BMP5: variants seen among roughly 807,000 people sequenced by gnomAD.
BMP5 encodes bone morphogenetic protein 5.
BMP5 carries 23 observed loss-of-function variants against 46.6 expected under a neutral mutation model. The observed-to-expected ratio is 0.49, with a 90% CI of 0.35 to 0.70. The LOEUF (loss-of-function observed/expected upper bound fraction) is 0.70. BMP5 is among the 30% of genes least tolerant of loss of function. The pLI, the probability that BMP5 is intolerant of heterozygous loss-of-function variation, is 0.00. For missense variants in BMP5, 545 were observed against 565.6 expected, an observed-to-expected ratio of 0.96 and a Z score of 0.37; for synonymous variants, 204 against 191.9, an observed-to-expected ratio of 1.06 and a Z score of -0.52.
intron 1 of BMP5, among the ~76,000 whole-genome samples, chr6:55,822,788 C>A (rs1289122235): frequency 6.6e-6 from 1 of 152,064 alleles, no homozygotes; most frequent in Non-Finnish European, 1.5e-5. Flanking sequence ...TATAAAATTT[C>A]AGTTTTCTAA....
intron 4 of BMP5, among the ~76,000 whole-genome samples, chr6:55,763,625 G>T (rs1774838693): frequency 6.6e-6 from 1 of 152,116 alleles, no homozygotes; most frequent in Admixed American, 6.5e-5. Flanking sequence ...AGTATGAAAT[G>T]GATATAATTC....
chr6:55,854,775 G>A (rs1024398311), intron 1 of BMP5, among the ~76,000 whole-genome samples: 2 of 151,942 alleles, frequency 1.3e-5, no homozygotes, highest in Non-Finnish European at 2.9e-5. Context: ...AATTGATAAA[G>A]ACAAATGACT....
chr6:55,856,964 C>T (rs1166287337), intron 1 of BMP5, among the ~76,000 whole-genome samples: 1 of 152,114 alleles, frequency 6.6e-6, no homozygotes, highest in African/African-American at 2.4e-5. Flanking sequence ...ATCATCTTTA[C>T]CTTAAACATT....
intron 1 of BMP5, among the ~76,000 whole-genome samples, chr6:55,845,859 G>A (rs1022176938): frequency 6.6e-6 from 1 of 151,920 alleles, no homozygotes; most frequent in African/African-American, 2.4e-5. Context: ...TACTTTTATA[G>A]AGGAAGGTAT....
chr6:55,784,758 G>A (rs1169306667), intron 3 of BMP5, among the ~76,000 whole-genome samples: 6 of 151,650 alleles, frequency 4.0e-5, no homozygotes, highest in African/African-American at 1.5e-4. Flanking sequence ...ATTCCCAACA[G>A]ATACAGCAAA....
intron 2 of BMP5, among the ~76,000 whole-genome samples, chr6:55,803,208 A>G (rs1477625493): frequency 1.3e-5 from 2 of 151,954 alleles, no homozygotes; most frequent in Non-Finnish European, 2.9e-5. Flanking sequence ...AGGCAGGAGA[A>G]TCGCTTAAAC....
rs1248500839 is a variant in BMP5, at chr6:55,836,851, C to T, written c.491-17004G>A. 2.0e-5 allele frequency among the ~76,000 whole-genome samples: 3 copies of T among 152,058 alleles called. No individual in the cohort carries two copies. In the East Asian group the frequency reaches 5.8e-4, roughly 29 times the overall value. On this transcript the variant is annotated intron_variant, in intron 1 of 6. Transcript: ENST00000370830. ...TGAATCTATCTCAAATGTTGTTTCA[C>T]ACTAAAATCTAAAACGCTTCTTAAA...
chr6:55,822,549 T>C (rs1447388831), intron 1 of BMP5, among the ~76,000 whole-genome samples: 1 of 152,118 alleles, frequency 6.6e-6, no homozygotes, highest in Non-Finnish European at 1.5e-5. Flanking sequence ...TAACAACCAT[T>C]ATTCATTTTT....
At chr6:55,811,762 C>T (rs1582084797) in intron 2 of BMP5, among the ~76,000 whole-genome samples, 1 of 151,910 alleles carries the variant, frequency 6.6e-6, no homozygotes, top group South Asian at 2.1e-4. Context: ...ACTTCCTACT[C>T]TTCTTGAAAA....
At chr6:55,871,654 T>C (rs1295142147) in intron 1 of BMP5, among the ~76,000 whole-genome samples, 1 of 151,890 alleles carries the variant, frequency 6.6e-6, no homozygotes, top group Admixed American at 6.6e-5. Context: ...TAAGTTTAAT[T>C]GTTCTTCGTG....
intron 1 of BMP5, among the ~76,000 whole-genome samples, chr6:55,851,330 A>C (rs907803845): frequency 3.9e-5 from 6 of 152,132 alleles, no homozygotes; most frequent in Admixed American, 3.9e-4. Flanking sequence ...GGCTTCTTTC[A>C]GTCCTATGAC....
chr6:55,867,070 C>G (rs887319833), intron 1 of BMP5, among the ~76,000 whole-genome samples: 2 of 152,108 alleles, frequency 1.3e-5, no homozygotes, highest in East Asian at 3.9e-4. Context: ...CTCCACATTT[C>G]CCTATTCTGC....
Position 55,754,610 on chromosome 6 carries a change from G to A in BMP5, c.*923C>T, listed in dbSNP as rs1774533032. 6.6e-6 allele frequency: 1 copy of A among 151,880 alleles called. No individual in the cohort carries two copies. The highest frequency in any genetic ancestry group is 1.5e-5 in the Non-Finnish European group (1 of 67,918). The allele number at this position is 151,880 out of a possible 1,614,324, so 9.4% of individuals were successfully genotyped here. ...TTATAAAGGAGAGCTAAAGAAAATG[G>A]TTCTTTCGGCATCTTCTGCTCTTGT... is the stretch of plus-strand genomic sequence containing the variant. On this transcript the variant is annotated 3_prime_UTR_variant, in exon 7 of 7. Transcript: ENST00000370830.
At chr6:55,855,872 A>G (rs960049158) in intron 1 of BMP5, among the ~76,000 whole-genome samples, 5 of 152,138 alleles carry the variant, frequency 3.3e-5, no homozygotes, top group African/African-American at 7.2e-5. Context: ...TCTTTTATAT[A>G]TTTTATGAAT....
At chr6:55,761,797 G>T (rs907956356) in intron 4 of BMP5, among the ~76,000 whole-genome samples, 1 of 151,830 alleles carries the variant, frequency 6.6e-6, no homozygotes, top group Non-Finnish European at 1.5e-5. Flanking sequence ...ATTTATTTAT[G>T]TGTGGCTTCT....
intron 2 of BMP5, among the ~76,000 whole-genome samples, chr6:55,805,574 A>G (rs972654999): frequency 6.6e-6 from 1 of 152,114 alleles, no homozygotes; most frequent in Non-Finnish European, 1.5e-5. Context: ...TCCCTTGGGT[A>G]TATATCCAGT....
intron 2 of BMP5, among the ~76,000 whole-genome samples, chr6:55,806,186 G>A (rs1240891539): frequency 6.6e-6 from 1 of 152,142 alleles, no homozygotes; most frequent in African/African-American, 2.4e-5. Context: ...TTCTTCTAGG[G>A]TTTTTATGAT....
At chr6:55,844,604 C>G (rs1297426076) in intron 1 of BMP5, among the ~76,000 whole-genome samples, 4 of 151,812 alleles carry the variant, frequency 2.6e-5, no homozygotes, top group Non-Finnish European at 4.4e-5. Flanking sequence ...AAATAGTTTA[C>G]AGCTGATTGT....
At chr6:55,782,273 T>C (rs930554694) in intron 3 of BMP5, among the ~76,000 whole-genome samples, 6 of 152,152 alleles carry the variant, frequency 3.9e-5, no homozygotes, top group African/African-American at 1.2e-4. Context: ...CAATTATAAA[T>C]AAAAAGTAAA....
Sources: allele counts gnomAD v4.1 joint callset (sites outside exome capture counted in the v4.1 genomes callset), GRCh38; gene constraint gnomAD v4.1.1; transcripts MANE v1.5; gene names NCBI Gene and HGNC (gene_info 2026-07-23, HGNC 2026-07-21).